HABP4: variants seen among roughly 807,000 people sequenced by gnomAD.
HABP4 encodes hyaluronan binding protein 4.
In HABP4, 32 loss-of-function variants were observed where a neutral mutation model predicts 44.1. That is an observed-to-expected ratio of 0.73 (90% CI 0.55 to 0.97). The LOEUF (loss-of-function observed/expected upper bound fraction) is 0.97. HABP4 is among the 50% of genes least tolerant of loss of function. HABP4 has a pLI of 0.00. For synonymous variants in HABP4, 216 were observed against 218.0 expected (o/e 0.99, Z 0.08); for missense variants, 503 against 561.9 (o/e 0.90, Z 1.06).
intron 4 of HABP4, 59 bp from the exon 5 acceptor site, chr9:96,470,952 T>C (rs1027021812): frequency 3.2e-6 from 3 of 934,958 alleles, no homozygotes; most frequent in African/African-American, 3.3e-5. Context: ...TTCTTAAACA[T>C]ACAAAGGCAT....
intron 6 of HABP4, among the ~76,000 whole-genome samples, chr9:96,485,278 C>T (rs930116716): frequency 1.1e-4 from 17 of 152,114 alleles, no homozygotes; most frequent in African/African-American, 3.9e-4. Context: ...CTTGAACTCC[C>T]GACCTCAGGT....
intron 2 of HABP4, among the ~76,000 whole-genome samples, chr9:96,462,068 C>A (rs1027503512): frequency 2.6e-5 from 4 of 151,594 alleles, no homozygotes; most frequent in African/African-American, 9.7e-5. Flanking sequence ...ATCGCTTGAA[C>A]CCAGGAGGAA....
chr9:96,486,540 C>T (rs1327830783), intron 6 of HABP4, among the ~76,000 whole-genome samples: 1 of 152,102 alleles, frequency 6.6e-6, no homozygotes, highest in Non-Finnish European at 1.5e-5. Flanking sequence ...GATTTGTCCT[C>T]CCGGGCTCCA....
intron 7 of HABP4, 41 bp from the exon 8 acceptor site, chr9:96,489,941 G>A (rs751774503): frequency 3.3e-5 from 41 of 1,232,350 alleles, no homozygotes; most frequent in Admixed American, 2.9e-4. Context: ...GGGAATGGAT[G>A]AAGGGGCAGT....
chr9:96,482,681 C>T (rs1832899969), intron 5 of HABP4, among the ~76,000 whole-genome samples: 1 of 152,184 alleles, frequency 6.6e-6, no homozygotes. Flanking sequence ...GCCCTGGCCA[C>T]CACTGACCTG....
At chr9:96,481,484 T>G (rs1320061030) in intron 5 of HABP4, among the ~76,000 whole-genome samples, 2 of 152,152 alleles carry the variant, frequency 1.3e-5, no homozygotes, top group Non-Finnish European at 2.9e-5. Context: ...GGTTCAGATC[T>G]GTAATCCCAA....
chr9:96,485,928 G>A (rs116103788), intron 6 of HABP4, among the ~76,000 whole-genome samples: 1 of 152,206 alleles, frequency 6.6e-6, no homozygotes, highest in African/African-American at 2.4e-5. Context: ...TTGATTAGGT[G>A]TCATTTAAGA....
intron 5 of HABP4, among the ~76,000 whole-genome samples, chr9:96,477,281 TATGATTCCTTA>T (rs1832797997): frequency 6.6e-6 from 1 of 152,216 alleles, no homozygotes; most frequent in East Asian, 1.9e-4. Context: ...AAAGAAGATT[TATGATTCCTTA>T]ATATTTCTTT....
intron 1 of HABP4, among the ~76,000 whole-genome samples, chr9:96,451,814 A>G (rs1302316173): frequency 1.3e-5 from 2 of 152,220 alleles, no homozygotes; most frequent in Non-Finnish European, 2.9e-5. Context: ...CTAAACAGTG[A>G]GACTGGAGAT....
Position 96,450,660 on chromosome 9 carries a change from G to A in HABP4, c.349+32G>A, listed in dbSNP as rs1249732939. 5 of 1,245,184 alleles carry A rather than the reference G, an allele frequency of 4.0e-6. No individual in the cohort carries two copies. Among genetic ancestry groups the A allele is most frequent in the African/African-American group, 1.6e-5 (1 of 64,264 alleles). The allele number at this position is 1,245,184 out of a possible 1,614,324, so 77.1% of individuals were successfully genotyped here. On this transcript the variant is annotated intron_variant, in intron 1 of 7. Coordinates refer to ENST00000375249, the MANE Select transcript of HABP4 (RefSeq NM_014282.4). The surrounding 1 kb of genome is among the most constrained non-coding windows in gnomAD (Gnocchi z 4.8). Reference sequence around the variant, plus strand: ...GGGGACAGCGGGGTTAGCGGACCACGGCTCGGCCCGCTGTGAGACTGGGGT... The same window carrying A: ...GGGGACAGCGGGGTTAGCGGACCACAGCTCGGCCCGCTGTGAGACTGGGGT...
chr9:96,452,020 G>A (rs894978202), intron 1 of HABP4, among the ~76,000 whole-genome samples: 2 of 152,094 alleles, frequency 1.3e-5, no homozygotes, highest in African/African-American at 4.8e-5. Context: ...GAGGTTAGGA[G>A]ATCGAGACCA....
In HABP4 at chr9:96,465,366, C is replaced by A. The variant is rs902812956; in HGVS notation, c.542C>A (p.Pro181Gln). 3 of 1,610,206 alleles carry A rather than the reference C, an allele frequency of 1.9e-6. No homozygotes were observed. The highest frequency in any genetic ancestry group is 2.5e-6 in the Non-Finnish European group (3 of 1,176,528). ...GGTGATAGGTTTGATCGAGACAGAC[C>A]GTTGAGAGGACGTGGAGGCCCGAGA... ...KPGDRFDRDR[P>Q]LRGRGGPRGG... The change falls in exon 3 of 8, where the codon CCG (proline) becomes CAG (glutamine). Residue 181 changes from proline to glutamine, a missense_variant. Around this residue, in one of 3 missense-constraint regions of HABP4, gnomAD observed 290 missense variants for 300.5 expected, o/e 0.97. Transcript: ENST00000375249.
At position 96,484,784 on chromosome 9, in the gene HABP4, ATTG is replaced by A. The variant is rs1832941179; in HGVS notation, c.999+154_999+156del. On this transcript the variant is annotated intron_variant, in intron 6 of 7. Transcript: ENST00000375249. The stretch of plus-strand genomic sequence containing the variant: ...GATGATGCATGCCTAATTTTACTGT[ATTG>A]TTCATTAAGAAAAGGAATTGAAACT... 6.4e-6 allele frequency: 4 copies of A among 621,596 alleles called. No individual in the cohort carries two copies. In the South Asian group the frequency reaches 7.9e-5, roughly 12 times the overall value. The allele number at this position is 621,596 out of a possible 1,614,324, so 38.5% of individuals were successfully genotyped here.
At chr9:96,470,769 C>T (rs564933565) in intron 4 of HABP4, among the ~76,000 whole-genome samples, 13 of 151,552 alleles carry the variant, frequency 8.6e-5, no homozygotes, top group Admixed American at 5.3e-4. Flanking sequence ...TGGTGGTGGA[C>T]GCCTGTAATC....
chr9:96,489,574 T>C (rs532972493), intron 7 of HABP4, among the ~76,000 whole-genome samples: 22 of 152,352 alleles, frequency 1.4e-4, no homozygotes, highest in African/African-American at 4.8e-4. Flanking sequence ...GGCCCTCCTG[T>C]GGCCCCTCCT....
intron 5 of HABP4, among the ~76,000 whole-genome samples, chr9:96,474,899 C>G (rs566504374): frequency 6.6e-6 from 1 of 152,250 alleles, no homozygotes; most frequent in Admixed American, 6.5e-5. Flanking sequence ...TGTTCAAACA[C>G]ACAACCCAAA....
In HABP4 at chr9:96,454,606, C is replaced by T. The variant is rs1443932037; in HGVS notation, c.350-3773C>T. Reference sequence around the variant, plus strand: ...CTGGGACTACAGACGCCCGCCACCACGCCTGGCTAATTTTTTGTATTTTTA... The same window carrying T: ...CTGGGACTACAGACGCCCGCCACCATGCCTGGCTAATTTTTTGTATTTTTA... On this transcript the variant is annotated intron_variant, in intron 1 of 7. Coordinates refer to ENST00000375249, the MANE Select transcript of HABP4 (RefSeq NM_014282.4). 3.9e-5 allele frequency among the ~76,000 whole-genome samples: 6 copies of T among 152,244 alleles called. No individual in the cohort carries two copies. In the East Asian group the frequency reaches 5.8e-4, roughly 15 times the overall value.
intron 2 of HABP4, among the ~76,000 whole-genome samples, chr9:96,465,099 G>A (rs1832576710): frequency 6.6e-6 from 1 of 152,064 alleles, no homozygotes; most frequent in African/African-American, 2.4e-5. Flanking sequence ...TCATCTATAG[G>A]CAATAATTGT....
chr9:96,467,483 T>C (rs925123102), intron 4 of HABP4, among the ~76,000 whole-genome samples: 2 of 151,634 alleles, frequency 1.3e-5, no homozygotes, highest in Non-Finnish European at 2.9e-5. Flanking sequence ...TCCTTCTTTC[T>C]TTCTTTCTCT....
Sources: gnomAD v4.1 joint callset for allele counts (sites outside exome capture counted in the v4.1 genomes callset) on GRCh38, gnomAD v4.1.1 for gene constraint, gnomAD v4.1.1 regional missense constraint, Gnocchi (gnomAD v3.1) non-coding constraint, MANE v1.5 for transcripts, NCBI Gene and HGNC (gene_info 2026-07-23, HGNC 2026-07-21) for gene names.